Variants in KLHL1 observed in about 807,000 individuals in gnomAD.
The protein encoded by KLHL1 is kelch like family member 1, also known as kelch-like protein 1.
Under a neutral mutation model 77.7 loss-of-function variants are expected in KLHL1, and 47 were observed. The observed-to-expected ratio is 0.60, with a 90% confidence interval of 0.48 to 0.77. KLHL1 has a LOEUF of 0.77. Among genes scored for constraint, KLHL1 ranks in the 30% least tolerant of loss-of-function variants. KLHL1 has a pLI of 0.00. For synonymous variants in KLHL1, 360 were observed against 325.2 expected (o/e 1.11, Z -1.15); for missense variants, 925 against 910.8 (o/e 1.02, Z -0.20).
intron 1 of KLHL1, among the ~76,000 whole-genome samples, chr13:70,074,682 C>T (rs1284042824): frequency 6.6e-6 from 1 of 151,496 alleles, no homozygotes; most frequent in East Asian, 1.9e-4. Flanking sequence ...CAACACCCAA[C>T]TTTTGTTTGG....
At chr13:69,846,071 T>A (rs1886187144) in intron 5 of KLHL1, among the ~76,000 whole-genome samples, 1 of 151,406 alleles carries the variant, frequency 6.6e-6, no homozygotes, top group Non-Finnish European at 1.5e-5. Context: ...TATACTTCTA[T>A]CATACAAGAC....
At chr13:69,920,372 A>G (rs143737673) in intron 4 of KLHL1, among the ~76,000 whole-genome samples, 14 of 152,290 alleles carry the variant, frequency 9.2e-5, no homozygotes, top group Non-Finnish European at 1.8e-4. Flanking sequence ...TTTGTGGTTC[A>G]CAGTGCTATT....
chr13:69,806,613 A>T (rs981721286), intron 6 of KLHL1, among the ~76,000 whole-genome samples: 1 of 149,960 alleles, frequency 6.7e-6, no homozygotes, highest in Non-Finnish European at 1.5e-5. Flanking sequence ...TAAGATAGAA[A>T]CCCACAGAGC....
chr13:69,978,892 G>A (rs4265691), intron 1 of KLHL1, among the ~76,000 whole-genome samples: 40,067 of 151,896 alleles, frequency 0.26, 5,747 homozygotes, highest in East Asian at 0.39. Context: ...TGTGGTGGGT[G>A]TACTATTAAA....
chr13:69,785,769 TAAA>T (rs953360957), intron 7 of KLHL1, among the ~76,000 whole-genome samples: 8 of 151,598 alleles, frequency 5.3e-5, no homozygotes, highest in African/African-American at 1.7e-4. Flanking sequence ...GCAAGACTAA[TAAA>T]GAAGAAAAGA....
intron 7 of KLHL1, among the ~76,000 whole-genome samples, chr13:69,744,980 T>A (rs1043448032): frequency 6.6e-6 from 1 of 152,064 alleles, no homozygotes; most frequent in African/African-American, 2.4e-5. Flanking sequence ...AGATGTAAAA[T>A]TTCTGGGTCA....
intron 5 of KLHL1, among the ~76,000 whole-genome samples, chr13:69,845,261 TCTGC>T (rs1360809825): frequency 3.5e-5 from 1 of 28,984 alleles, no homozygotes; most frequent in African/African-American, 4.8e-5. Flanking sequence ...TATAATAAAG[TCTGC>T]TTGCTTATTA....
chr13:69,805,248 C>T (rs1877567715), intron 6 of KLHL1, among the ~76,000 whole-genome samples: 1 of 151,812 alleles, frequency 6.6e-6, no homozygotes, highest in African/African-American at 2.4e-5. Flanking sequence ...TGATATGTAG[C>T]TATGTATAGA....
chr13:69,747,328 T>G (rs1874258484), intron 7 of KLHL1, among the ~76,000 whole-genome samples: 1 of 152,008 alleles, frequency 6.6e-6, no homozygotes, highest in Non-Finnish European at 1.5e-5. Flanking sequence ...ATTGTTTTGG[T>G]TTTTGTTTAT....
intron 7 of KLHL1, among the ~76,000 whole-genome samples, chr13:69,784,869 C>A (rs1408185269): frequency 6.8e-6 from 1 of 146,126 alleles, no homozygotes; most frequent in African/African-American, 2.5e-5. Flanking sequence ...CACCCCAAAT[C>A]AACAGAATAT....
At chr13:69,773,659 C>A (rs185382594) in intron 7 of KLHL1, among the ~76,000 whole-genome samples, 1 of 151,728 alleles carries the variant, frequency 6.6e-6, no homozygotes, top group South Asian at 2.1e-4. Context: ...CAAGGTCTTT[C>A]GAGTATGGAG....
intron 9 of KLHL1, among the ~76,000 whole-genome samples, chr13:69,717,530 C>T (rs1044837924): frequency 1.3e-5 from 2 of 152,162 alleles, no homozygotes; most frequent in African/African-American, 2.4e-5. Context: ...AATTTTCCAA[C>T]ATAAATGTAT....
intron 8 of KLHL1, among the ~76,000 whole-genome samples, chr13:69,739,890 A>G (rs1461949966): frequency 1.3e-5 from 2 of 152,116 alleles, no homozygotes; most frequent in African/African-American, 2.4e-5. Context: ...GCGTGTCACA[A>G]TGAGGTGGTG....
Position 69,719,522 on chromosome 13 carries a change from T to A in KLHL1, c.1862A>T (p.Asp621Val). The part of the protein sequence containing the change: ...SSCLSSMEYY[D>V]PHTNKWNMCA... ...CATGTTCCACTTATTTGTATGAGGA[T>A]CATAATATTCCATTGAACTCAAACA... The change falls in exon 9 of 11, where the codon GAT (aspartate) becomes GTT (valine). Residue 621 changes from aspartate (D) to valine (V), a missense_variant. Coordinates refer to ENST00000377844, the MANE Select transcript of KLHL1 (RefSeq NM_020866.3). The A allele has an allele frequency of 6.2e-7, 1 of 1,613,418 alleles. No individual in the cohort carries two copies. The highest frequency in any genetic ancestry group is 8.5e-7 in the Non-Finnish European group (1 of 1,179,648).
intron 1 of KLHL1, among the ~76,000 whole-genome samples, chr13:70,001,302 T>G (rs966225325): frequency 6.6e-6 from 1 of 151,080 alleles, no homozygotes; most frequent in African/African-American, 2.4e-5. Context: ...TTATTTGACT[T>G]ACGAATTCTG....
At chr13:69,883,040 T>C (rs1221511201) in intron 4 of KLHL1, among the ~76,000 whole-genome samples, 1 of 152,138 alleles carries the variant, frequency 6.6e-6, no homozygotes, top group African/African-American at 2.4e-5. Flanking sequence ...ACAATTTCTT[T>C]GGCTTAATTC....
chr13:69,906,129 G>A (rs141629234), intron 4 of KLHL1, among the ~76,000 whole-genome samples: 16 of 152,010 alleles, frequency 1.1e-4, no homozygotes, highest in African/African-American at 3.4e-4. Flanking sequence ...TCTCAATACC[G>A]CATGAGAACT....
At chr13:70,024,891 C>A (rs555034226) in intron 1 of KLHL1, among the ~76,000 whole-genome samples, 25 of 151,976 alleles carry the variant, frequency 1.6e-4, no homozygotes, top group African/African-American at 6.0e-4. Context: ...GATATGCAGA[C>A]ACCAGTGTGA....
chr13:69,706,670 C>G (rs1431920948), intron 10 of KLHL1, among the ~76,000 whole-genome samples: 1 of 151,844 alleles, frequency 6.6e-6, no homozygotes, highest in African/African-American at 2.4e-5. Context: ...TTTATTTGAA[C>G]AGTATCTTAC....
Sources: allele counts gnomAD v4.1 joint callset (sites outside exome capture counted in the v4.1 genomes callset), GRCh38; gene constraint gnomAD v4.1.1; transcripts MANE v1.5; gene names NCBI Gene and HGNC (gene_info 2026-07-23, HGNC 2026-07-21).